Variants in BOLL observed in about 807,000 individuals in gnomAD.
BOLL encodes protein boule-like.
BOLL carries 23 observed loss-of-function variants against 44.4 expected under a neutral mutation model. The ratio of observed to expected loss-of-function variants is 0.52; its 90% CI spans 0.37 to 0.73. The LOEUF (loss-of-function observed/expected upper bound fraction) is 0.73, where lower values mean the gene tolerates loss of function less well. BOLL is among the 30% of genes least tolerant of loss of function. The pLI, the probability that BOLL is intolerant of heterozygous loss-of-function variation, is 0.00. For missense variants in BOLL, 287 were observed against 338.3 expected, an observed-to-expected ratio of 0.85 and a Z score of 1.19; for synonymous variants, 97 against 110.8, an observed-to-expected ratio of 0.88 and a Z score of 0.78.
At chr2:197,758,966 CAA>C (rs911840935) in intron 7 of BOLL, 8 of 1,535,904 alleles carry the variant, frequency 5.2e-6, no homozygotes, top group Non-Finnish European at 7.0e-6. Flanking sequence ...TAAAAGGAAG[CAA>C]AGAGTCCATC....
chr2:197,767,011 C>T (rs893644968), intron 6 of BOLL, among the ~76,000 whole-genome samples: 12 of 151,888 alleles, frequency 7.9e-5, no homozygotes, highest in Non-Finnish European at 1.0e-4. Flanking sequence ...AATGAATAGT[C>T]GTATCTAATT....
At chr2:197,771,792 A>G (rs1689276268) in intron 6 of BOLL, 63 bp downstream of exon 6, 1 of 1,425,908 alleles carries the variant, frequency 7.0e-7, no homozygotes, top group Admixed American at 2.5e-5. Flanking sequence ...TTTCAGAAAT[A>G]TAACAAACAT....
At chr2:197,745,305 G>GA (rs956491818) in intron 9 of BOLL, among the ~76,000 whole-genome samples, 19 of 151,740 alleles carry the variant, frequency 1.3e-4, no homozygotes, top group African/African-American at 4.3e-4. Flanking sequence ...TAATTTTAGG[G>GA]AAAAAAACAC....
At chr2:197,772,724 TA>T (rs1689324844) in intron 5 of BOLL, among the ~76,000 whole-genome samples, 1 of 151,962 alleles carries the variant, frequency 6.6e-6, no homozygotes. Flanking sequence ...GATATATATA[TA>T]TTTTTTGTCA....
At chr2:197,750,865 C>T (rs1688210982) in intron 9 of BOLL, among the ~76,000 whole-genome samples, 1 of 152,188 alleles carries the variant, frequency 6.6e-6, no homozygotes, top group Admixed American at 6.5e-5. Flanking sequence ...CACCACATAG[C>T]ACTTATTGTA....
chr2:197,767,080 AAAGAT>A (rs1689034396), intron 6 of BOLL, among the ~76,000 whole-genome samples: 1 of 152,042 alleles, frequency 6.6e-6, no homozygotes, highest in Non-Finnish European at 1.5e-5. Context: ...TAATTAAAGC[AAAGAT>A]ATTTTATTTT....
chr2:197,767,641 G>T (rs936614461), intron 6 of BOLL, among the ~76,000 whole-genome samples: 3 of 151,888 alleles, frequency 2.0e-5, no homozygotes, highest in African/African-American at 7.2e-5. Flanking sequence ...GGGAACATCT[G>T]GCAATGTTGG....
intron 7 of BOLL, among the ~76,000 whole-genome samples, chr2:197,766,193 A>G (rs1488499883): frequency 1.3e-5 from 2 of 152,056 alleles, no homozygotes; most frequent in Admixed American, 6.6e-5. Flanking sequence ...TCCTCTGGCT[A>G]TATACCCAGT....
chr2:197,732,331 C>G (rs973759578), intron 10 of BOLL, among the ~76,000 whole-genome samples: 1 of 151,638 alleles, frequency 6.6e-6, no homozygotes, highest in African/African-American at 2.4e-5. Context: ...GCTTACCAAC[C>G]AAAAAGAGTC....
rs185469471 is a variant in BOLL at position 197,767,818 on chromosome 2, C to A, written c.481-1215G>T. ...AGTATCTTCCCACTTACAAAGTATG[C>A]GTGTGTGTGTCTATATATGTATGTA... On this transcript the variant is annotated intron_variant, in intron 6 of 10. Coordinates refer to ENST00000392296, the MANE Select transcript of BOLL (RefSeq NM_033030.6). Among the ~76,000 whole-genome samples, 8 of 151,964 alleles carry A rather than the reference C, an allele frequency of 5.3e-5. No homozygotes were observed. The East Asian group carries it at 1.5e-3, about 29-fold the overall frequency.
chr2:197,775,233 T>G (rs1441113846), intron 5 of BOLL, among the ~76,000 whole-genome samples: 1 of 151,840 alleles, frequency 6.6e-6, no homozygotes, highest in Middle Eastern at 3.2e-3. Flanking sequence ...CTGGCTGGGT[T>G]ACAGTACACA....
intron 10 of BOLL, among the ~76,000 whole-genome samples, chr2:197,739,180 A>G (rs2106321508): frequency 6.6e-6 from 1 of 152,302 alleles, no homozygotes; most frequent in East Asian, 1.9e-4. Context: ...AAAATTCTAC[A>G]TAACTATCTT....
In BOLL at chr2:197,770,825, G is replaced by A. The variant is rs564725832; in HGVS notation, c.480+1030C>T. Reference sequence around the variant, plus strand: ...ACCATCTCACATCAGTTAGAATGGCGATCATTAAAAAGTCAGGAAACAACA... The same window carrying A: ...ACCATCTCACATCAGTTAGAATGGCAATCATTAAAAAGTCAGGAAACAACA... On this transcript the variant is annotated intron_variant, in intron 6 of 10. Coordinates refer to ENST00000392296, the MANE Select transcript of BOLL (RefSeq NM_033030.6). Among the ~76,000 whole-genome samples, 17 of 152,106 alleles carry A rather than the reference G, an allele frequency of 1.1e-4. No individual in the cohort carries two copies. In the South Asian group the frequency reaches 3.3e-3, roughly 30 times the overall value.
At chr2:197,761,238 G>A (rs748028760) in intron 7 of BOLL, among the ~76,000 whole-genome samples, 28 of 152,230 alleles carry the variant, frequency 1.8e-4, no homozygotes, top group East Asian at 1.9e-4. Flanking sequence ...TTGAGCTCAC[G>A]AGTTTGACAC....
intron 10 of BOLL, among the ~76,000 whole-genome samples, chr2:197,729,873 C>T (rs1326508959): frequency 6.6e-6 from 1 of 151,968 alleles, no homozygotes; most frequent in African/African-American, 2.4e-5. Flanking sequence ...AAAAACAGAA[C>T]AGAAAAACTG....
intron 10 of BOLL, among the ~76,000 whole-genome samples, chr2:197,733,601 T>C (rs1328268014): frequency 6.6e-6 from 1 of 152,120 alleles, no homozygotes; most frequent in Non-Finnish European, 1.5e-5. Flanking sequence ...ATGGTACTGG[T>C]ACCAAAACAG....
rs2106301314 is a variant in BOLL, at chr2:197,728,350, T to C, written c.*205A>G. On this transcript the variant is annotated 3_prime_UTR_variant, in exon 11 of 11. Coordinates refer to ENST00000392296, the MANE Select transcript of BOLL (RefSeq NM_033030.6). ...AAAAAACCAACATGCCACATCTACCTAAATAATTTTGTAGAACAGCTGAAA... is the reference window on the plus strand; with the variant it reads ...AAAAAACCAACATGCCACATCTACCCAAATAATTTTGTAGAACAGCTGAAA... 5.5e-6 allele frequency: 4 copies of C among 723,222 alleles called. No individual in the cohort carries two copies. Among genetic ancestry groups the C allele is most frequent in the East Asian group, 2.7e-5 (1 of 36,644 alleles). 44.8% of individuals were successfully genotyped at this position (723,222 alleles called of 1,614,324 possible). A position where few individuals can be genotyped will look rare whatever the true frequency, so the allele number is the denominator to read the frequency against.
At chr2:197,781,898 C>G (rs1233611704) in intron 1 of BOLL, 33 bp from the exon 2 acceptor site, 2 of 1,565,328 alleles carry the variant, frequency 1.3e-6, no homozygotes, top group Non-Finnish European at 8.7e-7. Context: ...ACTTTTTGCA[C>G]TGGGTATAAT....
At chr2:197,728,656 C>T (rs1686963212) in intron 10 of BOLL, 78 bp from the exon 11 acceptor site, 2 of 924,152 alleles carry the variant, frequency 2.2e-6, no homozygotes, top group African/African-American at 1.7e-5. Context: ...TGAGTACAGA[C>T]CATCAATCAA....
Sources: gnomAD v4.1 joint callset for allele counts (sites outside exome capture counted in the v4.1 genomes callset) on GRCh38, gnomAD v4.1.1 for gene constraint, MANE v1.5 for transcripts, NCBI Gene and HGNC (gene_info 2026-07-23, HGNC 2026-07-21) for gene names.